FRY: variants seen among roughly 807,000 people sequenced by gnomAD.
FRY encodes the protein protein furry homolog.
In FRY, 128 loss-of-function variants were observed where a neutral mutation model predicts 348.4. The ratio of observed to expected loss-of-function variants is 0.37; its 90% CI spans 0.32 to 0.43. The LOEUF is 0.43. Ranked by LOEUF, FRY falls within the 20% of genes least tolerant of loss-of-function variation. The pLI is 1.00. For synonymous variants in FRY, 1,370 were observed against 1,374.7 expected (o/e 1.00, Z 0.08); for missense variants, 2,736 against 3,695.2 (o/e 0.74, Z 6.73).
chr13:32,203,640 T>C (rs1884177045), intron 31 of FRY, among the ~76,000 whole-genome samples: 1 of 152,086 alleles, frequency 6.6e-6, no homozygotes, highest in Non-Finnish European at 1.5e-5. Flanking sequence ...GGAGAATCAC[T>C]TGAACCCGGG....
In FRY at chr13:32,292,485, G is replaced by A. The variant is rs559425274; in HGVS notation, c.8581-1883G>A. On this transcript the variant is annotated intron_variant, in intron 59 of 60. Coordinates refer to ENST00000542859, the MANE Select transcript of FRY (RefSeq NM_023037.3). The stretch of plus-strand genomic sequence containing the variant: ...GCTACAGAGAAATATTTCATGAAAG[G>A]AAGAGTCAATCAATAAAGCAAACTT... Among the ~76,000 whole-genome samples, 4 of 152,130 alleles carry A rather than the reference G, an allele frequency of 2.6e-5. No individual in the cohort carries two copies. In the South Asian group the frequency reaches 8.3e-4, roughly 32 times the overall value.
chr13:32,241,957 G>C (rs1292864915), intron 46 of FRY, among the ~76,000 whole-genome samples: 1 of 152,088 alleles, frequency 6.6e-6, no homozygotes. Flanking sequence ...TGTCACTGTG[G>C]TATTCCCTGG....
rs186870887 is a variant in FRY at position 32,071,300 on chromosome 13, T to G, written c.71-7534T>G. ...GGCATTGAATCTATAAATTACCTTG[T>G]GCAGTATGGCCATTTTCATGGATAT... is the stretch of plus-strand genomic sequence containing the variant. On this transcript the variant is annotated intron_variant, in intron 1 of 60. Transcript: ENST00000542859. Among the ~76,000 whole-genome samples the G allele has an allele frequency of 7.3e-3, 1,113 of 152,286 alleles. 8 individuals are homozygous for G. Among genetic ancestry groups the G allele is most frequent in the Admixed American group, 0.011 (173 of 15,294 alleles).
In FRY at chr13:32,184,966, T is replaced by A. The variant is rs921754161; in HGVS notation, c.3147-10T>A. ...TGATCATCTAAAAGTTTCATTTTCCTTTATTCCAGCACAAATGGAGCCCTA... is the reference window on the plus strand; with the variant it reads ...TGATCATCTAAAAGTTTCATTTTCCATTATTCCAGCACAAATGGAGCCCTA... On this transcript the variant is annotated splice_polypyrimidine_tract_variant and intron_variant, in intron 25 of 60. Coordinates refer to ENST00000542859, the MANE Select transcript of FRY (RefSeq NM_023037.3). 6 of 1,612,590 alleles carry A rather than the reference T, an allele frequency of 3.7e-6. No homozygotes were observed. Among genetic ancestry groups the A allele is most frequent in the Non-Finnish European group, 5.1e-6 (6 of 1,178,938 alleles).
In FRY at chr13:32,137,096, T is replaced by A; in HGVS notation, c.1179+124T>A. On this transcript the variant is annotated intron_variant, in intron 11 of 60. Coordinates refer to ENST00000542859, the MANE Select transcript of FRY (RefSeq NM_023037.3). ...GGGGAATTGTCCTATACTGGTGGAA[T>A]AATGAAAAAATATTAATAAGAGTTC... 7.2e-6 allele frequency: 5 copies of A among 693,466 alleles called. No individual in the cohort carries two copies. In the East Asian group the frequency reaches 8.0e-5, roughly 11 times the overall value. The allele number at this position is 693,466 out of a possible 1,614,324, so 43.0% of individuals were successfully genotyped here. A position where few individuals can be genotyped will look rare whatever the true frequency, so the allele number is the denominator to read the frequency against.
intron 1 of FRY, among the ~76,000 whole-genome samples, chr13:32,069,216 A>T (rs1248279200): frequency 6.6e-6 from 1 of 152,066 alleles, no homozygotes; most frequent in African/African-American, 2.4e-5. Flanking sequence ...CGCCTGGCCC[A>T]TATGTTCAAT....
At chr13:32,106,732 G>T (rs1193090813) in intron 3 of FRY, among the ~76,000 whole-genome samples, 7 of 152,170 alleles carry the variant, frequency 4.6e-5, no homozygotes, top group Admixed American at 2.0e-4. Flanking sequence ...TACTTTGGGT[G>T]ACTATGTGTC....
intron 2 of FRY, among the ~76,000 whole-genome samples, chr13:32,090,297 G>A (rs1391360742): frequency 6.9e-6 from 1 of 145,630 alleles, no homozygotes; most frequent in Admixed American, 7.0e-5. Flanking sequence ...GCAGTGAGCC[G>A]AGGTGGCACC....
intron 1 of FRY, among the ~76,000 whole-genome samples, chr13:32,058,328 A>G (rs1393138680): frequency 6.6e-6 from 1 of 152,184 alleles, no homozygotes; most frequent in Non-Finnish European, 1.5e-5. Flanking sequence ...CTGTCTCTGT[A>G]TCTGTTGCAT....
chr13:32,135,253 G>C, intron 10 of FRY, 70 bp downstream of exon 10: 1 of 957,448 alleles, frequency 1.0e-6, no homozygotes, highest in South Asian at 1.3e-5. Context: ...ACAGGAATCT[G>C]TTTGAGGATC....
chr13:32,241,395 G>C (rs1233514377), intron 46 of FRY, among the ~76,000 whole-genome samples: 1 of 152,190 alleles, frequency 6.6e-6, no homozygotes, highest in African/African-American at 2.4e-5. Context: ...AAATAGGCCA[G>C]AGGACAAAAG....
In FRY at chr13:32,239,958, C is replaced by T; in HGVS notation, c.6687+77C>T. 7.7e-7 allele frequency: 1 copy of T among 1,294,762 alleles called. No homozygotes were observed. Among genetic ancestry groups the T allele is most frequent in the South Asian group, 1.3e-5 (1 of 79,930 alleles). 80.2% of individuals were successfully genotyped at this position (1,294,762 alleles called of 1,614,324 possible). On this transcript the variant is annotated intron_variant, in intron 46 of 60. Transcript: ENST00000542859. This position sits in a 1 kb window ranked among gnomAD's most constrained non-coding sequence, Gnocchi z 4.3. The stretch of plus-strand genomic sequence containing the variant: ...GCTGATCTCAACTCTTGGGCTCAAG[C>T]AGTCCTCCTGCCTTCGCCTCCCAGA...
chr13:32,151,760 C>T (rs1369939141), intron 14 of FRY, among the ~76,000 whole-genome samples: 1 of 152,092 alleles, frequency 6.6e-6, no homozygotes, highest in East Asian at 1.9e-4. Context: ...CTCTGTTTTT[C>T]CTTGACCTAA....
intron 3 of FRY, among the ~76,000 whole-genome samples, chr13:32,108,630 T>C (rs577898968): frequency 2.0e-5 from 3 of 152,294 alleles, no homozygotes; most frequent in Middle Eastern, 3.4e-3. Context: ...ATCATTGAAA[T>C]GAATGCAATC....
chr13:32,193,158 A>T (rs757021181), intron 28 of FRY, among the ~76,000 whole-genome samples: 1 of 150,858 alleles, frequency 6.6e-6, no homozygotes, highest in Non-Finnish European at 1.5e-5. Flanking sequence ...TTCAGGCATC[A>T]TCGATTCAGC....
intron 40 of FRY, among the ~76,000 whole-genome samples, chr13:32,229,865 TAACA>T (rs1198340001): frequency 1.3e-5 from 2 of 152,214 alleles, no homozygotes; most frequent in African/African-American, 2.4e-5. Context: ...TCATTTTACT[TAACA>T]AACAAACATG....
rs370921248 is a variant in FRY at position 32,136,931 on chromosome 13, A to G, written c.1138A>G (p.Arg380Gly). The G allele has an allele frequency of 1.9e-6, 3 of 1,610,040 alleles. No individual in the cohort carries two copies. Among genetic ancestry groups the G allele is most frequent in the Non-Finnish European group, 2.6e-6 (3 of 1,176,384 alleles). The change falls in exon 11 of 61, where the codon AGG (arginine) becomes GGG (glycine). Residue 380 changes from arginine to glycine, a missense_variant. By Grantham distance (125) the Arg-to-Gly change is moderately radical. Transcript: ENST00000542859. ...CAGTCAGAAGCAGCTGTTCCTGAAC[A>G]GGTGGCACATTTTCCTCAACAACTG... Reference protein sequence around the residue: ...CVSQKQLFLNRWHIFLNNCLS... With the variant: ...CVSQKQLFLNGWHIFLNNCLS...
chr13:32,179,846 T>G (rs1882593017), intron 23 of FRY, 47 bp downstream of exon 23: 6 of 1,575,578 alleles, frequency 3.8e-6, no homozygotes, highest in Non-Finnish European at 5.2e-6. Context: ...ATGCTGCTGC[T>G]ATTGTAGTTC....
intron 11 of FRY, among the ~76,000 whole-genome samples, chr13:32,141,917 G>T (rs977448388): frequency 6.6e-6 from 1 of 152,080 alleles, no homozygotes; most frequent in South Asian, 2.1e-4. Flanking sequence ...TTGAACAATT[G>T]TATCAATGAA....
Sources: gnomAD v4.1 joint callset for allele counts (sites outside exome capture counted in the v4.1 genomes callset) on GRCh38, gnomAD v4.1.1 for gene constraint, Gnocchi (gnomAD v3.1) non-coding constraint, MANE v1.5 for transcripts, NCBI Gene and HGNC (gene_info 2026-07-23, HGNC 2026-07-21) for gene names.